CAST: variants seen among roughly 807,000 people sequenced by gnomAD.
CAST encodes the protein MIR583 host.
CAST carries 76 observed loss-of-function variants against 119.6 expected under a neutral mutation model. The ratio of observed to expected loss-of-function variants is 0.64; its 90% CI spans 0.53 to 0.77. The LOEUF is 0.77. Among genes scored for constraint, CAST ranks in the 30% least tolerant of loss-of-function variants. CAST has a pLI of 0.00. For missense variants in CAST, 953 were observed against 946.5 expected, an observed-to-expected ratio of 1.01 and a Z score of -0.09; for synonymous variants, 319 against 331.6, an observed-to-expected ratio of 0.96 and a Z score of 0.41.
chr5:96,600,406 A>T lies in CAST; in HGVS notation c.60+70526A>T, dbSNP rs376390586. ...GCCCTACCCAGTAAGGGCACATTAT[A>T]TGGATGACGATGGACCAAGTATGGA... On this transcript the variant is annotated intron_variant, in intron 1 of 11. Coordinates refer to the CAST transcript ENST00000505143. Among the ~76,000 whole-genome samples the T allele has an allele frequency of 2.0e-5, 3 of 152,350 alleles. No individual in the cohort carries two copies. The East Asian group carries it at 5.8e-4, about 29-fold the overall frequency.
chr5:96,547,022 A>G (rs1215406058), intron 1 of CAST, among the ~76,000 whole-genome samples: 1 of 152,196 alleles, frequency 6.6e-6, no homozygotes, highest in Non-Finnish European at 1.5e-5. Context: ...GCTTTGGATG[A>G]TCCTTGAAAA....
At chr5:96,671,572 A>G (rs1750079995) in intron 1 of CAST, among the ~76,000 whole-genome samples, 1 of 152,222 alleles carries the variant, frequency 6.6e-6, no homozygotes, top group African/African-American at 2.4e-5. Context: ...TCATGAACCA[A>G]GGCGACAGTG....
At chr5:96,678,599 C>T (rs575951577) in intron 2 of CAST, among the ~76,000 whole-genome samples, 4 of 152,236 alleles carry the variant, frequency 2.6e-5, no homozygotes, top group African/African-American at 7.2e-5. Context: ...AATCCCAGCA[C>T]TTTGGGATGC....
At chr5:96,206,789 C>T in the CAST span, among the ~76,000 whole-genome samples, 2 of 152,008 alleles carry the variant, frequency 1.3e-5, no homozygotes, top group Non-Finnish European at 2.9e-5. Flanking sequence ...TATTTGGGCT[C>T]TTCATATTAG....
the CAST span, chr5:95,970,328 A>G: frequency 6.6e-6 from 1 of 152,252 alleles, no homozygotes; most frequent in Non-Finnish European, 1.5e-5. Context: ...AGAGATTACT[A>G]GGGAGAAAGT....
At chr5:96,400,993 A>C in the CAST span, among the ~76,000 whole-genome samples, 1 of 146,202 alleles carries the variant, frequency 6.8e-6, no homozygotes, top group Non-Finnish European at 1.5e-5. Flanking sequence ...AGGCTGAGGC[A>C]GGAGAATGGC....
chr5:96,413,010 A>T, the CAST span: 1 of 972,770 alleles, frequency 1.0e-6, no homozygotes, highest in Non-Finnish European at 1.2e-6. Flanking sequence ...TCTACGCCAC[A>T]CAAGGACTCT....
chr5:96,489,596 G>A, the CAST span, among the ~76,000 whole-genome samples: 6 of 152,298 alleles, frequency 3.9e-5, no homozygotes, highest in Admixed American at 3.9e-4. Context: ...CATATTGGAT[G>A]TAAAAGTTAT....
In CAST at chr5:96,695,166, A is replaced by T. The variant is rs79652755; in HGVS notation, c.139-670A>T. Among the ~76,000 whole-genome samples, 413 of 152,254 alleles carry T rather than the reference A, an allele frequency of 2.7e-3. 2 individuals are homozygous for T. Among genetic ancestry groups the T allele is most frequent in the African/African-American group, 9.6e-3 (397 of 41,556 alleles). On this transcript the variant is annotated intron_variant, in intron 2 of 31. Coordinates refer to ENST00000675179, the MANE Select transcript of CAST (RefSeq NM_001750.7). ...CTGTTCCTCAGTCCCCTCACCCATAAAGTGGAGATAACAATAGTATTAGGT... is the reference window on the plus strand; with the variant it reads ...CTGTTCCTCAGTCCCCTCACCCATATAGTGGAGATAACAATAGTATTAGGT...
At chr5:96,533,760 T>A (rs1166825225) in intron 1 of CAST, among the ~76,000 whole-genome samples, 1 of 152,226 alleles carries the variant, frequency 6.6e-6, no homozygotes, top group South Asian at 2.1e-4. Flanking sequence ...TATATTTTTT[T>A]AATATTCTCT....
At chr5:96,628,937 G>C (rs1747772298) in intron 1 of CAST, among the ~76,000 whole-genome samples, 1 of 152,218 alleles carries the variant, frequency 6.6e-6, no homozygotes, top group Non-Finnish European at 1.5e-5. Flanking sequence ...GCTGTGGTTT[G>C]AATGTATCCC....
the CAST span, chr5:96,400,069 T>A: frequency 6.2e-7 from 1 of 1,614,130 alleles, no homozygotes. Context: ...CAAATCCAAA[T>A]CGACTATTCA....
chr5:96,247,249 G>A, the CAST span, among the ~76,000 whole-genome samples: 2 of 152,204 alleles, frequency 1.3e-5, no homozygotes, highest in Non-Finnish European at 2.9e-5. Context: ...CACATAGAAT[G>A]AGGTCTTAAT....
At chr5:96,006,308 G>A in the CAST span, among the ~76,000 whole-genome samples, 4 of 151,530 alleles carry the variant, frequency 2.6e-5, no homozygotes, top group African/African-American at 9.7e-5. Context: ...CACAATGGAA[G>A]AAGAATTGTC....
chr5:96,651,511 G>A (rs1201214172), intron 1 of CAST, among the ~76,000 whole-genome samples: 1 of 152,184 alleles, frequency 6.6e-6, no homozygotes, highest in African/African-American at 2.4e-5. Context: ...TGTCTCTACT[G>A]TCCTTTCCTT....
intron 22 of CAST, 69 bp downstream of exon 22, chr5:96,754,810 C>A: frequency 1.1e-6 from 1 of 885,140 alleles, no homozygotes; most frequent in Non-Finnish European, 1.9e-6. Context: ...AACAAAGGTA[C>A]TTGGGAACAG....
chr5:96,287,439 T>A, the CAST span, among the ~76,000 whole-genome samples: 11 of 152,114 alleles, frequency 7.2e-5, no homozygotes, highest in Non-Finnish European at 1.3e-4. Flanking sequence ...AGAGGAAAAT[T>A]TCACATTCAA....
chr5:96,056,825 C>T, the CAST span, among the ~76,000 whole-genome samples: 2 of 152,102 alleles, frequency 1.3e-5, no homozygotes, highest in African/African-American at 2.4e-5. Context: ...GATTTTAAAG[C>T]ATATGTGTGG....
chr5:96,186,931 C>T, the CAST span, among the ~76,000 whole-genome samples: 1 of 152,084 alleles, frequency 6.6e-6, no homozygotes, highest in African/African-American at 2.4e-5. Flanking sequence ...ATGGTACTAG[C>T]TCTTATTTGT....
Sources: gnomAD v4.1 joint callset for allele counts (sites outside exome capture counted in the v4.1 genomes callset) on GRCh38, gnomAD v4.1.1 for gene constraint, MANE v1.5 for transcripts, NCBI Gene and HGNC (gene_info 2026-07-23, HGNC 2026-07-21) for gene names.